STOX1: variants seen among roughly 807,000 people sequenced by gnomAD.
STOX1 encodes the protein storkhead box 1.
In STOX1, 57 loss-of-function variants were observed where a neutral mutation model predicts 74.8. That is an observed-to-expected ratio of 0.76 (90% confidence interval 0.62 to 0.95). STOX1 has a LOEUF of 0.95. Among genes scored for constraint, STOX1 ranks in the 40% least tolerant of loss-of-function variants. The probability of loss-of-function intolerance (pLI) is 0.00; values close to 1 mark genes in which losing one functional copy is unlikely to be tolerated. For synonymous variants in STOX1, 375 were observed against 401.3 expected (o/e 0.93, Z 0.78); for missense variants, 1,010 against 1,117.0 (o/e 0.90, Z 1.37).
chr10:68,894,365 C>T (rs527741928), downstream of STOX1, among the ~76,000 whole-genome samples: 1 of 152,210 alleles, frequency 6.6e-6, no homozygotes, highest in Non-Finnish European at 1.5e-5. Flanking sequence ...TGGAGAGTGT[C>T]TCTTTCTGAC....
chr10:68,833,317 G>A (rs929734684), intron 1 of STOX1, among the ~76,000 whole-genome samples: 1 of 151,918 alleles, frequency 6.6e-6, no homozygotes, highest in African/African-American at 2.4e-5. Flanking sequence ...TGGAACTCCC[G>A]ACCTCAGTTG....
chr10:68,892,805 G>C lies in STOX1; in HGVS notation c.*69G>C. The C allele has an allele frequency of 6.6e-7, 1 of 1,506,818 alleles. No individual in the cohort carries two copies. Among genetic ancestry groups the C allele is most frequent in the Non-Finnish European group, 9.2e-7 (1 of 1,090,608 alleles). The allele number at this position is 1,506,818 out of a possible 1,614,324, so 93.3% of individuals were successfully genotyped here. On this transcript the variant is annotated 3_prime_UTR_variant, in exon 4 of 4. Coordinates refer to ENST00000298596, the MANE Select transcript of STOX1 (RefSeq NM_152709.5). ...CATTATTACAGAATCTTTCAATCAT[G>C]TAAGAATTGAGTATATAAGAATTGT... is the stretch of plus-strand genomic sequence containing the variant.
At chr10:68,833,336 G>T (rs1353907530) in intron 1 of STOX1, among the ~76,000 whole-genome samples, 2 of 152,030 alleles carry the variant, frequency 1.3e-5, no homozygotes, top group African/African-American at 4.8e-5. Context: ...TGATTCATCC[G>T]CCTCAGCCTC....
chr10:68,893,011 A>G lies in STOX1; in HGVS notation c.*275A>G. The stretch of plus-strand genomic sequence containing the variant: ...TATTGGTCCCCTTCCAATTGTAATT[A>G]TCTTGAATTTTTATACATTAGTTTC... On this transcript the variant is annotated 3_prime_UTR_variant, in exon 4 of 4. Transcript: ENST00000298596. 1 of 313,620 alleles carries G rather than the reference A, an allele frequency of 3.2e-6. No homozygotes were observed. The allele number at this position is 313,620 out of a possible 1,614,324, so 19.4% of individuals were successfully genotyped here.
At chr10:68,889,231 CA>C (rs1218779311) in intron 3 of STOX1, among the ~76,000 whole-genome samples, 4 of 152,224 alleles carry the variant, frequency 2.6e-5, no homozygotes, top group Non-Finnish European at 4.4e-5. Context: ...TTCAGTCTCC[CA>C]AAGTGCTGGG....
chr10:68,828,391 C>T lies in STOX1; in HGVS notation c.310+458C>T, dbSNP rs571965611. Reference sequence around the variant, plus strand: ...GAGGCTAGGCGCTGCTCTGAGGGCCCGGGGGCTGCGGTTGGGCGGCCGGTC... The same window carrying T: ...GAGGCTAGGCGCTGCTCTGAGGGCCTGGGGGCTGCGGTTGGGCGGCCGGTC... On this transcript the variant is annotated intron_variant, in intron 1 of 3. Coordinates refer to ENST00000298596, the MANE Select transcript of STOX1 (RefSeq NM_152709.5). 5.0e-5 allele frequency: 39 copies of T among 782,150 alleles called. No homozygotes were observed. In the African/African-American group the frequency reaches 6.5e-4, roughly 13 times the overall value. The allele number at this position is 782,150 out of a possible 1,614,324, so 48.5% of individuals were successfully genotyped here. A position where few individuals can be genotyped will look rare whatever the true frequency, so the allele number is the denominator to read the frequency against.
At chr10:68,868,399 A>G (rs1309132423) in intron 1 of STOX1, among the ~76,000 whole-genome samples, 1 of 152,230 alleles carries the variant, frequency 6.6e-6, no homozygotes, top group East Asian at 1.9e-4. Context: ...TAAGGCACAG[A>G]TCGCTCATGC....
chr10:68,858,872 A>G (rs1388843863), intron 1 of STOX1, among the ~76,000 whole-genome samples: 1 of 152,064 alleles, frequency 6.6e-6, no homozygotes, highest in Non-Finnish European at 1.5e-5. Flanking sequence ...GGTAACGTAT[A>G]TGTATATGTG....
chr10:68,852,249 C>CTTTTTT lies in STOX1; in HGVS notation c.310+24331_310+24336dup, dbSNP rs34908700. Among the ~76,000 whole-genome samples, 5 of 118,974 alleles carry CTTTTTT rather than the reference C, an allele frequency of 4.2e-5. 1 individual carries two copies. Among genetic ancestry groups the CTTTTTT allele is most frequent in the Admixed American group, 2.0e-4 (2 of 9,902 alleles). The allele number at this position is 118,974 out of a possible 152,430, so 78.1% of individuals were successfully genotyped here. A position where few individuals can be genotyped will look rare whatever the true frequency, so the allele number is the denominator to read the frequency against. Reference sequence around the variant, plus strand: ...ATGAGTTTAAGTTTTTCTCTTACTGCTTTTTTTTTTTTTTTTTTTTGAGAC... The same window carrying CTTTTTT: ...ATGAGTTTAAGTTTTTCTCTTACTGCTTTTTTTTTTTTTTTTTTTTTTTTTTGAGAC... On this transcript the variant is annotated intron_variant, in intron 1 of 3. Transcript: ENST00000298596.
chr10:68,880,775 C>T (rs1840798519), intron 1 of STOX1, among the ~76,000 whole-genome samples: 1 of 152,116 alleles, frequency 6.6e-6, no homozygotes, highest in Non-Finnish European at 1.5e-5. Flanking sequence ...TCACTGCAAC[C>T]TCCACCTCCT....
Position 68,884,731 on chromosome 10 carries a change from GT to G in STOX1, c.939del (p.Phe313LeufsTer49). 3.1e-6 allele frequency: 5 copies of G among 1,614,100 alleles called. No individual in the cohort carries two copies. Among genetic ancestry groups the G allele is most frequent in the Non-Finnish European group, 4.2e-6 (5 of 1,180,014 alleles). On this transcript the variant is annotated frameshift_variant, in exon 3 of 4. Transcript: ENST00000298596. LOFTEE classifies it high-confidence loss of function. The part of the protein sequence containing the change: ...TRDKEKGKKF[G>X]FSLLWRSLSR... ...GATAAAGAAAAAGGCAAGAAGTTTG[GT>G]TTTAGTCTCTTATGGCGCAGCTTAT...
chr10:68,843,820 A>C (rs1401980872), intron 1 of STOX1, among the ~76,000 whole-genome samples: 2 of 152,098 alleles, frequency 1.3e-5, no homozygotes, highest in Non-Finnish European at 2.9e-5. Context: ...TCAGCATCCC[A>C]AAGTGCTGGG....
intron 1 of STOX1, among the ~76,000 whole-genome samples, chr10:68,863,666 A>G (rs1334096998): frequency 6.6e-6 from 1 of 152,114 alleles, no homozygotes; most frequent in Non-Finnish European, 1.5e-5. Flanking sequence ...GAGTGATGTA[A>G]AAAAGGGTGC....
At chr10:68,830,878 T>G (rs1005689421) in intron 1 of STOX1, among the ~76,000 whole-genome samples, 28 of 152,176 alleles carry the variant, frequency 1.8e-4, no homozygotes, top group Admixed American at 1.3e-3. Flanking sequence ...CGTTGCTAAT[T>G]GCTGATTTCT....
At chr10:68,893,138 A>G (rs1841135500), downstream of STOX1, 2 of 191,250 alleles carry the variant, frequency 1.0e-5, no homozygotes, top group Admixed American at 5.6e-5. Flanking sequence ...ATTTCAACAC[A>G]AAATCAGAAA....
At chr10:68,831,929 C>CTTT (rs75873763) in intron 1 of STOX1, among the ~76,000 whole-genome samples, 5 of 143,336 alleles carry the variant, frequency 3.5e-5, no homozygotes, top group Non-Finnish European at 4.5e-5. Flanking sequence ...CTTTTCTTTT[C>CTTT]TTTTTTTTTT....
chr10:68,873,799 C>T (rs1293018827), intron 1 of STOX1, among the ~76,000 whole-genome samples: 3 of 150,300 alleles, frequency 2.0e-5, no homozygotes, highest in Non-Finnish European at 4.4e-5. Flanking sequence ...TACAGGCGCC[C>T]GCCACCATGC....
chr10:68,890,170 C>CTT (rs1327757627), intron 3 of STOX1, among the ~76,000 whole-genome samples: 3 of 145,118 alleles, frequency 2.1e-5, no homozygotes, highest in African/African-American at 5.1e-5. Context: ...TATTATTTTC[C>CTT]TTTTTTTTTT....
chr10:68,892,137 C>T (rs1474819925), intron 3 of STOX1, among the ~76,000 whole-genome samples: 2 of 152,028 alleles, frequency 1.3e-5, no homozygotes, highest in Non-Finnish European at 2.9e-5. Context: ...TGAAGCAAGG[C>T]ATATGTGTTA....
Sources: gnomAD v4.1 joint callset for allele counts (sites outside exome capture counted in the v4.1 genomes callset) on GRCh38, gnomAD v4.1.1 for gene constraint, MANE v1.5 for transcripts, NCBI Gene and HGNC (gene_info 2026-07-23, HGNC 2026-07-21) for gene names.